Variants in CDH23 observed in about 807,000 individuals in gnomAD.
The protein encoded by CDH23 is cadherin-23.
In CDH23, 189 loss-of-function variants were observed where a neutral mutation model predicts 317.1. The ratio of observed to expected loss-of-function variants is 0.60; its 90% CI spans 0.53 to 0.67. The LOEUF (loss-of-function observed/expected upper bound fraction) is 0.67, where lower values mean the gene tolerates loss of function less well. CDH23 is among the 30% of genes least tolerant of loss of function. The pLI is 0.00. For synonymous variants in CDH23, 1,839 were observed against 1,876.8 expected, an observed-to-expected ratio of 0.98 and a Z score of 0.52; for missense variants, 4,401 against 4,592.4, an observed-to-expected ratio of 0.96 and a Z score of 1.20.
chr10:71,405,238 C>T (rs933422325), intron 1 of CDH23, among the ~76,000 whole-genome samples: 2 of 152,092 alleles, frequency 1.3e-5, no homozygotes, highest in Non-Finnish European at 2.9e-5. Flanking sequence ...TCCTCCAGCA[C>T]CCCATGTTCC....
chr10:71,811,318 G>C lies in CDH23; in HGVS notation c.9081G>C (p.Val3027=). ...DTNRILDVDR[V]IQMIDENKEQ... ...GAGACCCCTGCCCCTCGCCCAGGGT[G>C]ATCCAGATGATCGATGAGAACAAGG... Residue 3027 remains valine (V), a synonymous_variant, in exon 63 of 70, where the codon GTG becomes GTC. Coordinates refer to ENST00000224721, the MANE Select transcript of CDH23 (RefSeq NM_022124.6). 6.2e-7 allele frequency: 1 copy of C among 1,613,804 alleles called. No homozygotes were observed. Among genetic ancestry groups the C allele is most frequent in the Non-Finnish European group, 8.5e-7 (1 of 1,179,828 alleles).
intron 1 of CDH23, among the ~76,000 whole-genome samples, chr10:71,409,407 C>G (rs1249470851): frequency 6.6e-6 from 1 of 152,134 alleles, no homozygotes; most frequent in Admixed American, 6.5e-5. Flanking sequence ...TGAGAGGAAA[C>G]TGTACCGGGA....
intron 68 of CDH23, among the ~76,000 whole-genome samples, 169 bp from the exon 69 acceptor site, chr10:71,813,075 G>T (rs1016713622): frequency 6.6e-6 from 1 of 152,168 alleles, no homozygotes; most frequent in Non-Finnish European, 1.5e-5. Context: ...TCAGGAGTGA[G>T]TCCACCTGTG....
intron 11 of CDH23, among the ~76,000 whole-genome samples, chr10:71,627,541 C>G (rs143211875): frequency 3.9e-5 from 6 of 152,330 alleles, no homozygotes; most frequent in African/African-American, 1.4e-4. Context: ...AATTAGCATG[C>G]TATTTACGCC....
Position 71,741,949 on chromosome 10 carries a change from G to A in CDH23, c.4845+28G>A, listed in dbSNP as rs561048112. The A allele has an allele frequency of 9.3e-5, 143 of 1,535,704 alleles. No individual in the cohort carries two copies. The African/African-American group carries it at 1.9e-3, about 20-fold the overall frequency. On this transcript the variant is annotated intron_variant, in intron 38 of 69. Coordinates refer to ENST00000224721, the MANE Select transcript of CDH23 (RefSeq NM_022124.6). ...GAGCGATGGGGGTGGCCACAGGGAG[G>A]AGCGGGTGGGCCAGGGCAGCTCCGC...
At chr10:71,638,889 AG>A (rs988191732) in intron 11 of CDH23, among the ~76,000 whole-genome samples, 23 of 152,098 alleles carry the variant, frequency 1.5e-4, no homozygotes, top group African/African-American at 4.6e-4. Flanking sequence ...GGAGGCAGGG[AG>A]GGGGCAAGGT....
rs1477529057 is a variant in CDH23, at chr10:71,743,012, T to G, written c.4845+1091T>G. Among the ~76,000 whole-genome samples, 3 of 152,200 alleles carry G rather than the reference T, an allele frequency of 2.0e-5. No individual in the cohort carries two copies. The East Asian group carries it at 5.8e-4, about 29-fold the overall frequency. ...ACTCATCCTCCAGAAGGCTAGCCCG[T>G]GCCTGTTCTTATGGGGCTGGAAAGT... On this transcript the variant is annotated intron_variant, in intron 38 of 69. Coordinates refer to ENST00000224721, the MANE Select transcript of CDH23 (RefSeq NM_022124.6).
At chr10:71,520,929 G>A (rs1277095360) in intron 6 of CDH23, among the ~76,000 whole-genome samples, 2 of 152,146 alleles carry the variant, frequency 1.3e-5, no homozygotes, top group African/African-American at 4.8e-5. Flanking sequence ...CCAGGAGGGG[G>A]AAAACGAGAC....
chr10:71,802,161 A>G (rs1181952745), intron 53 of CDH23, among the ~76,000 whole-genome samples: 2 of 152,310 alleles, frequency 1.3e-5, no homozygotes, highest in East Asian at 3.9e-4. Flanking sequence ...TACAAAAATT[A>G]GCCAGGCATG....
At chr10:71,643,135 G>A (rs1003301117) in intron 11 of CDH23, among the ~76,000 whole-genome samples, 2 of 152,230 alleles carry the variant, frequency 1.3e-5, no homozygotes, top group African/African-American at 4.8e-5. Context: ...TCACCAAGAT[G>A]TAGTTCTAAG....
chr10:71,515,746 T>A (rs1589154541), intron 6 of CDH23, among the ~76,000 whole-genome samples: 1 of 152,242 alleles, frequency 6.6e-6, no homozygotes, highest in East Asian at 1.9e-4. Flanking sequence ...AGAATGTAGC[T>A]AGGAAAAGTC....
intron 6 of CDH23, among the ~76,000 whole-genome samples, chr10:71,539,198 T>G (rs1335677387): frequency 6.6e-6 from 1 of 152,152 alleles, no homozygotes. Flanking sequence ...CCGTAGCCCC[T>G]TTGCCCTTCC....
Position 71,798,445 on chromosome 10 carries a change from G to A in CDH23, c.6921G>A (p.Glu2307=), listed in dbSNP as rs1283355758. The A allele has an allele frequency of 1.9e-6, 3 of 1,613,990 alleles. No homozygotes were observed. The highest frequency in any genetic ancestry group is 1.7e-6 in the Non-Finnish European group (2 of 1,179,858). ...CCTACTACATGGAGCGGATCCTGGA[G>A]GGGGCCACCCCTGGGACCACACTCA... The part of the protein sequence containing the change: ...GITYYMERIL[E]GATPGTTLIA... The change falls in exon 50 of 70, where the codon GAG becomes GAA. Residue 2307 remains glutamate, a synonymous_variant. Transcript: ENST00000224721.
intron 6 of CDH23, among the ~76,000 whole-genome samples, chr10:71,548,195 C>T (rs1235816503): frequency 1.3e-5 from 2 of 152,210 alleles, no homozygotes; most frequent in African/African-American, 2.4e-5. Flanking sequence ...CTGCGGGGGC[C>T]TGCTGCACGC....
intron 38 of CDH23, chr10:71,761,024 G>A (rs1057074776): frequency 1.1e-5 from 13 of 1,199,724 alleles, no homozygotes; most frequent in African/African-American, 6.0e-5. Context: ...AGGTTCTCAC[G>A]CTAGTGCCTA....
chr10:71,498,942 G>A (rs1389769294), intron 3 of CDH23, among the ~76,000 whole-genome samples: 1 of 152,186 alleles, frequency 6.6e-6, no homozygotes, highest in Admixed American at 6.5e-5. Context: ...GGATATCAAA[G>A]GGATAGCTGC....
intron 3 of CDH23, among the ~76,000 whole-genome samples, chr10:71,454,845 A>ATG (rs1554826206): frequency 0.016 from 2,329 of 141,292 alleles, 70 homozygotes; most frequent in African/African-American, 0.057. Context: ...TTTACATTTT[A>ATG]TTTTTTTTTT....
chr10:71,809,961 A>T lies in CDH23; in HGVS notation c.8864A>T (p.Gln2955Leu), dbSNP rs1384511039. ...GGCATCTACATCCTGAGGGACGACC[A>T]GCGCGTCAAGATCGTCATTAACGAG... Reference protein sequence around the residue: ...IIGIYILRDDQRVKIVINEIP... With the variant: ...IIGIYILRDDLRVKIVINEIP... Residue 2955 changes from glutamine to leucine, a missense_variant, in exon 61 of 70, where the codon CAG becomes CTG. By Grantham distance (113) the Gln-to-Leu change is moderately radical (BLOSUM62 -2). Coordinates refer to ENST00000224721, the MANE Select transcript of CDH23 (RefSeq NM_022124.6). 1.2e-6 allele frequency: 2 copies of T among 1,612,340 alleles called. No individual in the cohort carries two copies. Among genetic ancestry groups the T allele is most frequent in the East Asian group, 4.5e-5 (2 of 44,880 alleles).
chr10:71,560,291 T>C (rs909058075), intron 6 of CDH23, among the ~76,000 whole-genome samples: 1 of 152,208 alleles, frequency 6.6e-6, no homozygotes, highest in African/African-American at 2.4e-5. Context: ...CTTGTTCCAA[T>C]GGGAGCCCAT....
Sources: allele counts gnomAD v4.1 joint callset (sites outside exome capture counted in the v4.1 genomes callset), GRCh38; gene constraint gnomAD v4.1.1; transcripts MANE v1.5; gene names NCBI Gene and HGNC (gene_info 2026-07-23, HGNC 2026-07-21).